DAB2IP: variants seen among roughly 807,000 people sequenced by gnomAD.
The protein encoded by DAB2IP is DAB2 interacting protein.
In DAB2IP, 28 loss-of-function variants were observed where a neutral mutation model predicts 107.2. That is an observed-to-expected ratio of 0.26 (90% CI 0.19 to 0.36). The LOEUF is 0.36. Ranked by LOEUF, DAB2IP falls within the 10% of genes least tolerant of loss-of-function variation. The pLI, the probability that DAB2IP is intolerant of heterozygous loss-of-function variation, is 1.00. For missense variants in DAB2IP, 1,400 were observed against 1,644.7 expected (o/e 0.85, Z 2.57); for synonymous variants, 755 against 706.4 (o/e 1.07, Z -1.09).
intron 1 of DAB2IP, among the ~76,000 whole-genome samples, chr9:121,644,434 TA>T (rs1292955439): frequency 6.6e-6 from 1 of 150,762 alleles, no homozygotes; most frequent in Middle Eastern, 3.5e-3. Context: ...CCGTCTCTAC[TA>T]AAAATACAAA....
At chr9:121,619,021 G>C (rs999846763) in intron 1 of DAB2IP, among the ~76,000 whole-genome samples, 1 of 152,174 alleles carries the variant, frequency 6.6e-6, no homozygotes, top group Non-Finnish European at 1.5e-5. Flanking sequence ...CTTTCTGACC[G>C]GCTGTGATTC....
chr9:121,615,889 G>C (rs566836906), intron 1 of DAB2IP, among the ~76,000 whole-genome samples: 1 of 152,268 alleles, frequency 6.6e-6, no homozygotes, highest in East Asian at 1.9e-4. Flanking sequence ...GCCTCCCAAA[G>C]TGCTGGGATT....
chr9:121,762,441 G>A (rs534857548), intron 6 of DAB2IP, among the ~76,000 whole-genome samples: 1 of 152,276 alleles, frequency 6.6e-6, no homozygotes, highest in South Asian at 2.1e-4. Flanking sequence ...TCGCCTGCTG[G>A]TCAGGAAGGG....
chr9:121,600,695 A>G (rs937678463), intron 1 of DAB2IP, among the ~76,000 whole-genome samples: 5 of 152,122 alleles, frequency 3.3e-5, no homozygotes, highest in African/African-American at 1.2e-4. Context: ...ACCTAAGAGT[A>G]AAAAAATGGA....
chr9:121,710,464 T>C (rs1029100954), intron 3 of DAB2IP, among the ~76,000 whole-genome samples: 3 of 152,106 alleles, frequency 2.0e-5, no homozygotes, highest in African/African-American at 7.2e-5. Context: ...TTGCAACTTA[T>C]CACTTATTCT....
At chr9:121,578,960 G>A (rs1409415300) in intron 1 of DAB2IP, among the ~76,000 whole-genome samples, 1 of 151,804 alleles carries the variant, frequency 6.6e-6, no homozygotes, top group East Asian at 1.9e-4. Flanking sequence ...AAGCTGCTCT[G>A]AACGGGCCCA....
rs1042755028 is a variant in DAB2IP, at chr9:121,772,147, C to A, written c.2079-460C>A. Among the ~76,000 whole-genome samples the A allele has an allele frequency of 3.3e-5, 5 of 152,182 alleles. No homozygotes were observed. The highest frequency in any genetic ancestry group is 1.2e-4 in the African/African-American group (5 of 41,450). On this transcript the variant is annotated intron_variant, in intron 11 of 15. Transcript: ENST00000408936. This position sits in a 1 kb window ranked among gnomAD's most constrained non-coding sequence, Gnocchi z 4.7. ...TGGGCAAGAGGAGGTTTCACCGGGCCCCCACTTCAGTTACCAGTCTGATTA... is the reference window on the plus strand; with the variant it reads ...TGGGCAAGAGGAGGTTTCACCGGGCACCCACTTCAGTTACCAGTCTGATTA...
At position 121,699,522 on chromosome 9, in the gene DAB2IP, G is replaced by T; in HGVS notation, c.362+64G>T. 3 of 1,185,434 alleles carry T rather than the reference G, an allele frequency of 2.5e-6. No homozygotes were observed. The highest frequency in any genetic ancestry group is 8.2e-5 in the East Asian group (2 of 24,498). 73.4% of individuals were successfully genotyped at this position (1,185,434 alleles called of 1,614,324 possible). On this transcript the variant is annotated intron_variant, in intron 3 of 15. Coordinates refer to ENST00000408936, the Ensembl canonical transcript of DAB2IP. The surrounding 1 kb of genome is among the most constrained non-coding windows in gnomAD (Gnocchi z 6.2). ...CCCCGGGCTGCGCCCCTGAGGACGC[G>T]GGGACAAAGCGCGAGCCCGGCCCGG...
chr9:121,615,394 A>G (rs574268560), intron 1 of DAB2IP, among the ~76,000 whole-genome samples: 1 of 152,152 alleles, frequency 6.6e-6, no homozygotes, highest in Admixed American at 6.6e-5. Context: ...GCTTTGCGAC[A>G]CTCCTGGAGA....
intron 1 of DAB2IP, among the ~76,000 whole-genome samples, chr9:121,670,544 GGGCTGTTC>G (rs1460223430): frequency 3.3e-5 from 5 of 152,292 alleles, no homozygotes; most frequent in Middle Eastern, 6.8e-3. Context: ...TATCAGCTGA[GGGCTGTTC>G]CCAGTTTCTA....
At chr9:121,773,424 C>A in exon 12 of DAB2IP, 1 of 1,560,838 alleles carries the variant, frequency 6.4e-7, no homozygotes. Flanking sequence ...CCCCAGTACC[C>A]GCCTGAGGCA....
intron 3 of DAB2IP, among the ~76,000 whole-genome samples, chr9:121,717,022 T>A (rs574727335): frequency 6.6e-6 from 1 of 152,306 alleles, no homozygotes; most frequent in Admixed American, 6.5e-5. Flanking sequence ...CTGGGCCTTG[T>A]GCACGCATGT....
At chr9:121,752,902 G>A (rs1000868613) in intron 3 of DAB2IP, 1 of 152,220 alleles carries the variant, frequency 6.6e-6, no homozygotes, top group African/African-American at 2.4e-5. Flanking sequence ...TTTCAGATGA[G>A]GAAATGGACC....
chr9:121,608,142 C>T (rs951979088), intron 1 of DAB2IP, among the ~76,000 whole-genome samples: 2 of 152,204 alleles, frequency 1.3e-5, no homozygotes, highest in Non-Finnish European at 2.9e-5. Flanking sequence ...CCCTTGAGTT[C>T]GTGTCACACT....
intron 1 of DAB2IP, among the ~76,000 whole-genome samples, chr9:121,567,695 G>GCC (rs1458360711): frequency 6.6e-6 from 1 of 152,162 alleles, no homozygotes; most frequent in Non-Finnish European, 1.5e-5. Context: ...GTGTGACAGG[G>GCC]CCCCAGTGGC....
chr9:121,587,653 G>A lies in DAB2IP; in HGVS notation c.40+20425G>A, dbSNP rs183608795. Among the ~76,000 whole-genome samples the A allele has an allele frequency of 1.5e-3, 228 of 151,418 alleles. 1 individual carries two copies. The highest frequency in any genetic ancestry group is 2.7e-3 in the Non-Finnish European group (181 of 67,840). Reference sequence around the variant, plus strand: ...AAAGAATAGGGTTGAGAGGGTAGCCGAAGGTCAAGAAACAGAGGGCCTCAA... The same window carrying A: ...AAAGAATAGGGTTGAGAGGGTAGCCAAAGGTCAAGAAACAGAGGGCCTCAA... On this transcript the variant is annotated intron_variant, in intron 1 of 16. Transcript: ENST00000259371.
At chr9:121,784,464 C>A (rs1035685089) in exon 16 of DAB2IP, 2 of 153,152 alleles carry the variant, frequency 1.3e-5, no homozygotes, top group African/African-American at 4.8e-5. Context: ...TCGGAGGCTA[C>A]CCGCTGTGGC....
intron 2 of DAB2IP, among the ~76,000 whole-genome samples, chr9:121,692,804 T>A (rs936366110): frequency 6.6e-6 from 1 of 152,126 alleles, no homozygotes; most frequent in Non-Finnish European, 1.5e-5. Context: ...TCTTTGATGG[T>A]GCATACCCTT....
At chr9:121,666,105 T>TC (rs1833409212) in intron 1 of DAB2IP, among the ~76,000 whole-genome samples, 1 of 152,222 alleles carries the variant, frequency 6.6e-6, no homozygotes, top group South Asian at 2.1e-4. Context: ...TGGAGAAGAA[T>TC]CCATTTCCTT....
Sources: gnomAD v4.1 joint callset for allele counts (sites outside exome capture counted in the v4.1 genomes callset) on GRCh38, gnomAD v4.1.1 for gene constraint, Gnocchi (gnomAD v3.1) non-coding constraint, MANE v1.5 for transcripts, NCBI Gene and HGNC (gene_info 2026-07-23, HGNC 2026-07-21) for gene names.